The following CLN8 variants were observed in gnomAD, a reference collection of about 807,000 sequenced individuals.
The protein encoded by CLN8 is CLN8 transmembrane ER and ERGIC protein.
Under a neutral mutation model 15.7 loss-of-function variants are expected in CLN8, and 14 were observed. The ratio of observed to expected loss-of-function variants is 0.89; its 90% CI spans 0.59 to 1.39. The LOEUF (loss-of-function observed/expected upper bound fraction) is 1.39, where lower values mean the gene tolerates loss of function less well. CLN8 is among the 40% of genes most tolerant of loss of function. CLN8 has a pLI of 0.00. For synonymous variants in CLN8, 188 were observed against 151.0 expected, an observed-to-expected ratio of 1.25 and a Z score of -1.80; for missense variants, 415 against 364.0, an observed-to-expected ratio of 1.14 and a Z score of -1.14.
chr8:1,769,041 G>A (rs960978349), intron 1 of CLN8, among the ~76,000 whole-genome samples: 1 of 152,184 alleles, frequency 6.6e-6, no homozygotes, highest in Non-Finnish European at 1.5e-5. Flanking sequence ...TGACACGGGA[G>A]CCGTTTCTCT....
At chr8:1,767,226 G>C (rs1451840733) in intron 1 of CLN8, among the ~76,000 whole-genome samples, 1 of 152,210 alleles carries the variant, frequency 6.6e-6, no homozygotes, top group Non-Finnish European at 1.5e-5. Flanking sequence ...AGAAAGTCAG[G>C]AGGTTTGAGC....
chr8:1,766,657 C>G (rs1296336116), intron 1 of CLN8, among the ~76,000 whole-genome samples: 2 of 152,098 alleles, frequency 1.3e-5, no homozygotes, highest in African/African-American at 4.8e-5. Context: ...TCCCAAAGTG[C>G]TGGGATTACA....
chr8:1,760,287 G>A (rs1800762475), upstream of CLN8: 1 of 152,170 alleles, frequency 6.6e-6, no homozygotes, highest in Non-Finnish European at 1.5e-5. Context: ...GACACGCTGT[G>A]CACCCAAGAT....
At chr8:1,754,663 T>C (rs1800626599), upstream of CLN8, among the ~76,000 whole-genome samples, 1 of 152,202 alleles carries the variant, frequency 6.6e-6, no homozygotes, top group Non-Finnish European at 1.5e-5. Context: ...CTCAGACAAC[T>C]ACTCATAGGA....
chr8:1,779,792 T>C (rs1244873200), intron 2 of CLN8, among the ~76,000 whole-genome samples: 1 of 152,222 alleles, frequency 6.6e-6, no homozygotes, highest in African/African-American at 2.4e-5. Context: ...TCTCTTCTTA[T>C]GACACTAATC....
At chr8:1,767,565 CT>C (rs1156569423) in intron 1 of CLN8, among the ~76,000 whole-genome samples, 166 of 81,316 alleles carry the variant, frequency 2.0e-3, no homozygotes, top group African/African-American at 4.4e-3. Flanking sequence ...ATGTTTCTTT[CT>C]TTTTTTTTTT....
rs1801292088 is a variant in CLN8 at position 1,771,284 on chromosome 8, G to A, written c.230G>A (p.Ser77Asn). ...ACGCGTGCAGTCTTTGGTGTTCAGA[G>A]CACAGCCGCAGGCCTGTGGGCTCTG... is the stretch of plus-strand genomic sequence containing the variant. ...AATRAVFGVQ[S>N]TAAGLWALLG... The change falls in exon 2 of 3, where the codon AGC (serine) becomes AAC (asparagine). Residue 77 changes from serine (S) to asparagine (N), a missense_variant. Coordinates refer to ENST00000331222, the MANE Select transcript of CLN8 (RefSeq NM_018941.4). 4 of 1,614,174 alleles carry A rather than the reference G, an allele frequency of 2.5e-6. No homozygotes were observed. The highest frequency in any genetic ancestry group is 3.4e-6 in the Non-Finnish European group (4 of 1,180,022).
At position 1,784,590 on chromosome 8, in the gene CLN8, C is replaced by A. The variant is rs7827285; in HGVS notation, c.*4023C>A. ...GTGAATGTGGTTCTCTTCCCATGTC[C>A]GAATTTTGTGAGCTCCACACGGGCA... On this transcript the variant is annotated 3_prime_UTR_variant, in exon 3 of 3. Transcript: ENST00000331222. 0.84 allele frequency: 127,394 copies of A among 152,246 alleles called. 53,742 individuals carry two copies. The highest frequency in any genetic ancestry group is 0.91 in the African/African-American group (37,762 of 41,536). The allele number at this position is 152,246 out of a possible 1,614,324, so 9.4% of individuals were successfully genotyped here.
At chr8:1,774,157 T>C (rs55634012) in intron 2 of CLN8, among the ~76,000 whole-genome samples, 10,986 of 152,198 alleles carry the variant, frequency 0.072, 473 homozygotes, top group Non-Finnish European at 0.1. Flanking sequence ...CTCCCTCCCC[T>C]GGTGTGGTGG....
chr8:1,769,642 C>T (rs899683529), intron 1 of CLN8, among the ~76,000 whole-genome samples: 1 of 152,194 alleles, frequency 6.6e-6, no homozygotes, highest in Non-Finnish European at 1.5e-5. Context: ...CCTGGGTTTC[C>T]TGCCGTGTAA....
chr8:1,769,917 G>A (rs944066141), intron 1 of CLN8, among the ~76,000 whole-genome samples: 13 of 152,188 alleles, frequency 8.5e-5, no homozygotes, highest in African/African-American at 3.1e-4. Flanking sequence ...TGAGGATTCA[G>A]TAAGCACTTG....
intron 2 of CLN8, among the ~76,000 whole-genome samples, chr8:1,777,987 C>T (rs1259817073): frequency 6.6e-6 from 1 of 152,284 alleles, no homozygotes; most frequent in Non-Finnish European, 1.5e-5. Flanking sequence ...AATAAAGGCG[C>T]TGAGCCCTGG....
chr8:1,769,733 G>A (rs984388364), intron 1 of CLN8, among the ~76,000 whole-genome samples: 1 of 152,220 alleles, frequency 6.6e-6, no homozygotes, highest in Non-Finnish European at 1.5e-5. Context: ...TTTGCAGACA[G>A]GTTCAGGCTT....
chr8:1,759,668 T>C (rs1245824623), upstream of CLN8: 8 of 152,216 alleles, frequency 5.3e-5, no homozygotes, highest in East Asian at 1.5e-3. Context: ...ACATTGAGGC[T>C]GAGAAGCTGA....
At chr8:1,755,596 C>G (rs1022213363), upstream of CLN8, among the ~76,000 whole-genome samples, 8 of 152,204 alleles carry the variant, frequency 5.3e-5, no homozygotes, top group African/African-American at 1.9e-4. Flanking sequence ...CTTGAAATGA[C>G]TTAGATCACA....
Position 1,780,754 on chromosome 8 carries a change from A to G in CLN8, c.*187A>G, listed in dbSNP as rs1261240489. 1 of 647,546 alleles carries G rather than the reference A, an allele frequency of 1.5e-6. No individual in the cohort carries two copies. Among genetic ancestry groups the G allele is most frequent in the African/African-American group, 1.8e-5 (1 of 54,714 alleles). The allele number at this position is 647,546 out of a possible 1,614,324, so 40.1% of individuals were successfully genotyped here. A position where few individuals can be genotyped will look rare whatever the true frequency, so the allele number is the denominator to read the frequency against. On this transcript the variant is annotated 3_prime_UTR_variant, in exon 3 of 3. Coordinates refer to ENST00000331222, the MANE Select transcript of CLN8 (RefSeq NM_018941.4). Reference sequence around the variant, plus strand: ...TACAAAGTATTTTTAAGAAATTATAATTTTATGACTGTCTGGCAGGCTCTG... The same window carrying G: ...TACAAAGTATTTTTAAGAAATTATAGTTTTATGACTGTCTGGCAGGCTCTG...
chr8:1,758,698 G>GTC (rs1365486606), intron 1 of CLN8: 3 of 152,254 alleles, frequency 2.0e-5, no homozygotes, highest in African/African-American at 7.2e-5. Context: ...GGTGGAAGGT[G>GTC]TCCAGGTCAC....
chr8:1,756,403 G>C (rs1800670704), intron 1 of CLN8, among the ~76,000 whole-genome samples: 1 of 150,450 alleles, frequency 6.6e-6, no homozygotes, highest in African/African-American at 2.4e-5. Flanking sequence ...AGAATTGCTT[G>C]AACTCAGGAG....
upstream of CLN8, among the ~76,000 whole-genome samples, chr8:1,760,791 G>C (rs1469491222): frequency 6.6e-6 from 1 of 152,192 alleles, no homozygotes; most frequent in African/African-American, 2.4e-5. Context: ...GCAGAGTGCA[G>C]TGAGAGACAG....
Sources: allele counts gnomAD v4.1 joint callset (sites outside exome capture counted in the v4.1 genomes callset), GRCh38; gene constraint gnomAD v4.1.1; transcripts MANE v1.5; gene names NCBI Gene and HGNC (gene_info 2026-07-23, HGNC 2026-07-21).